Variants in HMGN5 observed in about 807,000 individuals in gnomAD.
HMGN5 encodes the protein high mobility group nucleosome-binding domain-containing protein 5.
Under a neutral mutation model 9.5 loss-of-function variants are expected in HMGN5, and 4 were observed. The ratio of observed to expected loss-of-function variants is 0.42; its 90% confidence interval spans 0.21 to 0.96. The LOEUF (loss-of-function observed/expected upper bound fraction) is 0.96. Ranked by LOEUF, HMGN5 falls within the 40% of genes least tolerant of loss-of-function variation. The pLI is 0.30. For synonymous variants in HMGN5, 55 were observed against 57.1 expected (o/e 0.96, Z 0.16); for missense variants, 192 against 187.5 (o/e 1.02, Z -0.14).
intron 1 of HMGN5, among the ~76,000 whole-genome samples, chrX:81,125,551 A>G (rs994754102): frequency 1.1e-4 from 12 of 111,937 alleles, no homozygotes; most frequent in African/African-American, 3.2e-5. Context: ...CAGGCCAAAG[A>G]CTAATAAAAT....
chrX:81,121,565 TAGG>T lies in HMGN5; in HGVS notation c.-19_-17del. 8.6e-7 allele frequency: 1 copy of T among 1,167,369 alleles called. No individual in the cohort carries two copies. Among genetic ancestry groups the T allele is most frequent in the Non-Finnish European group, 1.1e-6 (1 of 874,120 alleles). On this transcript the variant is annotated 5_prime_UTR_variant, in exon 2 of 7. Transcript: ENST00000358130. The stretch of plus-strand genomic sequence containing the variant: ...TTTTGGGCATTGTTGTAGCTCTCTA[TAGG>T]AGATCTTAGTCAGCAGAAAAAAAGC...
At chrX:81,164,587 A>G (rs985058444) in intron 1 of HMGN5, among the ~76,000 whole-genome samples, 1 of 111,306 alleles carries the variant, frequency 9.0e-6, no homozygotes, top group African/African-American at 3.3e-5. Flanking sequence ...CCCAAGGTCA[A>G]TGTCTCTCTA....
intron 1 of HMGN5, among the ~76,000 whole-genome samples, chrX:81,127,744 G>A (rs2075288192): frequency 9.0e-6 from 1 of 111,519 alleles, no homozygotes; most frequent in African/African-American, 3.3e-5. Context: ...ATAAAATGAT[G>A]TTAAAACTAG....
At chrX:81,191,599 A>C (rs901636637) in intron 1 of HMGN5, among the ~76,000 whole-genome samples, 1 of 112,024 alleles carries the variant, frequency 8.9e-6, no homozygotes, top group Non-Finnish European at 1.9e-5. Flanking sequence ...CCAACCCTGA[A>C]TTCTTAGTGT....
At chrX:81,133,872 A>G (rs2075304234) in intron 1 of HMGN5, among the ~76,000 whole-genome samples, 2 of 111,891 alleles carry the variant, frequency 1.8e-5, no homozygotes, top group East Asian at 5.6e-4. Flanking sequence ...AGAAGTATAA[A>G]AAGTTATCTT....
At chrX:81,140,433 G>A (rs1180443578) in intron 1 of HMGN5, among the ~76,000 whole-genome samples, 5 of 109,577 alleles carry the variant, frequency 4.6e-5, no homozygotes, top group African/African-American at 1.3e-4. Flanking sequence ...GGTGGCGGGC[G>A]CCTGTAGTCC....
At chrX:81,169,910 G>A (rs5959080) in intron 1 of HMGN5, among the ~76,000 whole-genome samples, 2,107 of 108,602 alleles carry the variant, frequency 0.019, 46 homozygotes, top group African/African-American at 0.066. Context: ...AAAAATTAGC[G>A]AGGCATGGTG....
intron 1 of HMGN5, among the ~76,000 whole-genome samples, chrX:81,134,413 CTTTA>C (rs1421853414): frequency 9.0e-6 from 1 of 111,150 alleles, no homozygotes; most frequent in Admixed American, 9.6e-5. Context: ...CATTAATAAG[CTTTA>C]TTGAGATATA....
intron 1 of HMGN5, among the ~76,000 whole-genome samples, chrX:81,176,514 T>C (rs754754221): frequency 1.4e-4 from 16 of 110,847 alleles, no homozygotes; most frequent in African/African-American, 4.9e-4. Flanking sequence ...TTTGAACCCA[T>C]TGCAAGGAAG....
At chrX:81,179,621 T>C (rs1376131620) in intron 1 of HMGN5, among the ~76,000 whole-genome samples, 3 of 111,746 alleles carry the variant, frequency 2.7e-5, no homozygotes, top group Non-Finnish European at 3.8e-5. Context: ...AAAGTGGCCA[T>C]ACTGCCCAAG....
chrX:81,141,489 AG>A (rs1569343760), intron 1 of HMGN5, among the ~76,000 whole-genome samples: 50 of 109,694 alleles, frequency 4.6e-4, no homozygotes, highest in Admixed American at 1.1e-3. Flanking sequence ...AGAGAGAGAG[AG>A]AAAGAGAGAG....
intron 1 of HMGN5, among the ~76,000 whole-genome samples, chrX:81,152,016 C>T (rs1319861655): frequency 9.0e-6 from 1 of 111,694 alleles, no homozygotes; most frequent in Non-Finnish European, 1.9e-5. Flanking sequence ...AAGACTTAAA[C>T]GTTAGACCTA....
intron 1 of HMGN5, among the ~76,000 whole-genome samples, chrX:81,201,217 C>CT (rs201784414): frequency 0.019 from 2,035 of 108,939 alleles, 48 homozygotes; most frequent in African/African-American, 0.064. Flanking sequence ...TTGCAAATTC[C>CT]TTTTTTTCTG....
chrX:81,125,275 A>G (rs1293464085), intron 1 of HMGN5, among the ~76,000 whole-genome samples: 1 of 111,313 alleles, frequency 9.0e-6, no homozygotes, highest in South Asian at 3.7e-4. Context: ...TTGGAAAACT[A>G]TATACTATTG....
intron 1 of HMGN5, among the ~76,000 whole-genome samples, chrX:81,163,260 G>A (rs1005579179): frequency 3.6e-5 from 4 of 112,155 alleles, no homozygotes; most frequent in South Asian, 3.7e-4. Context: ...AGACTTTTGA[G>A]TCTTCCTAGC....
rs150147353 is a variant in HMGN5 at position 81,120,949 on chromosome X, T to C, written c.15+586A>G. Among the ~76,000 whole-genome samples, 154 of 111,284 alleles carry C rather than the reference T, an allele frequency of 1.4e-3. 1 individual carries two copies. The highest frequency in any genetic ancestry group is 4.8e-3 in the African/African-American group (147 of 30,614). Reference sequence around the variant, plus strand: ...CCAGCTTTCTCACCCCTAAAGTTTCTAATTACAGCGGTGAATCTCTGTTCT... The same window carrying C: ...CCAGCTTTCTCACCCCTAAAGTTTCCAATTACAGCGGTGAATCTCTGTTCT... On this transcript the variant is annotated intron_variant, in intron 2 of 6. Coordinates refer to ENST00000358130, the MANE Select transcript of HMGN5 (RefSeq NM_030763.3).
At chrX:81,152,033 T>A (rs1188724610) in intron 1 of HMGN5, among the ~76,000 whole-genome samples, 2 of 111,699 alleles carry the variant, frequency 1.8e-5, no homozygotes, top group African/African-American at 6.5e-5. Context: ...CCTAAAAACA[T>A]AAAAACCCTA....
At chrX:81,178,031 A>C (rs2075448471) in intron 1 of HMGN5, among the ~76,000 whole-genome samples, 1 of 112,013 alleles carries the variant, frequency 8.9e-6, no homozygotes, top group Non-Finnish European at 1.9e-5. Flanking sequence ...ACAAACACAC[A>C]ACATACCAGA....
intron 1 of HMGN5, among the ~76,000 whole-genome samples, chrX:81,185,533 T>G (rs2075474906): frequency 8.9e-6 from 1 of 111,915 alleles, no homozygotes; most frequent in South Asian, 3.6e-4. Flanking sequence ...TTAGGTTTTA[T>G]CAAATATAAG....
Sources: allele counts gnomAD v4.1 joint callset (sites outside exome capture counted in the v4.1 genomes callset), GRCh38; gene constraint gnomAD v4.1.1; transcripts MANE v1.5; gene names NCBI Gene and HGNC (gene_info 2026-07-23, HGNC 2026-07-21).